Variants in PCLO observed in about 807,000 individuals in gnomAD.
PCLO encodes the protein protein piccolo.
PCLO carries 82 observed loss-of-function variants against 427.5 expected under a neutral mutation model. The observed-to-expected ratio is 0.19, with a 90% CI of 0.16 to 0.23. PCLO has a LOEUF of 0.23. Among genes scored for constraint, PCLO ranks in the 10% least tolerant of loss-of-function variants. The pLI is 1.00. For synonymous variants in PCLO, 2,357 were observed against 2,155.4 expected, an observed-to-expected ratio of 1.09 and a Z score of -2.59; for missense variants, 6,239 against 6,115.9, an observed-to-expected ratio of 1.02 and a Z score of -0.67.
chr7:82,900,649 T>C (rs1050695169), intron 9 of PCLO, among the ~76,000 whole-genome samples: 6 of 151,650 alleles, frequency 4.0e-5, no homozygotes, highest in Admixed American at 2.0e-4. Flanking sequence ...GGAGGAGATA[T>C]AGGAGTCAAA....
chr7:82,961,787 C>A (rs1490068957), intron 4 of PCLO, among the ~76,000 whole-genome samples: 14 of 152,140 alleles, frequency 9.2e-5, no homozygotes, highest in Admixed American at 6.6e-5. Flanking sequence ...TTCACTTGCT[C>A]ACCTTTACGT....
chr7:83,100,506 G>C (rs563843319), intron 3 of PCLO, among the ~76,000 whole-genome samples: 2 of 152,124 alleles, frequency 1.3e-5, no homozygotes, highest in Admixed American at 6.5e-5. Flanking sequence ...CCTTTGCTGG[G>C]ATATGGGTGG....
At chr7:82,816,928 C>G (rs551547748) in intron 20 of PCLO, among the ~76,000 whole-genome samples, 9 of 152,198 alleles carry the variant, frequency 5.9e-5, no homozygotes, top group Admixed American at 1.3e-4. Context: ...GTGATATGGT[C>G]AGAGTTCTAC....
intron 22 of PCLO, among the ~76,000 whole-genome samples, chr7:82,771,625 G>A (rs1464215141): frequency 6.6e-6 from 1 of 151,958 alleles, no homozygotes; most frequent in Non-Finnish European, 1.5e-5. Flanking sequence ...AAAAAAAGGA[G>A]ACTAACTAAT....
intron 1 of PCLO, among the ~76,000 whole-genome samples, chr7:83,157,586 G>A (rs1043856620): frequency 1.2e-4 from 18 of 151,590 alleles, no homozygotes; most frequent in Admixed American, 3.3e-4. Context: ...AATTAAAATA[G>A]GAGTTTCTTA....
At chr7:82,776,688 A>G (rs1423649034) in intron 22 of PCLO, among the ~76,000 whole-genome samples, 1 of 152,024 alleles carries the variant, frequency 6.6e-6, no homozygotes, top group Non-Finnish European at 1.5e-5. Flanking sequence ...CCAGCTACTC[A>G]GGAGGCTGAA....
At chr7:82,831,111 G>T (rs2115710676) in intron 16 of PCLO, among the ~76,000 whole-genome samples, 1 of 152,010 alleles carries the variant, frequency 6.6e-6, no homozygotes, top group East Asian at 1.9e-4. Flanking sequence ...AGTTCTAAGT[G>T]CTTTTCATGT....
intron 10 of PCLO, among the ~76,000 whole-genome samples, chr7:82,851,389 A>G (rs1157120229): frequency 2.6e-5 from 4 of 151,988 alleles, no homozygotes; most frequent in Admixed American, 2.0e-4. Context: ...AAAACAAGTG[A>G]GAAACAGGAT....
chr7:82,853,603 T>C (rs1386160067), intron 10 of PCLO, among the ~76,000 whole-genome samples: 6 of 152,160 alleles, frequency 3.9e-5, no homozygotes, highest in Admixed American at 6.6e-5. Context: ...CCATTAAAAA[T>C]TAAAATTTGC....
chr7:82,760,804 C>T lies in PCLO; in HGVS notation c.15143-20G>A, dbSNP rs1364556804. The stretch of plus-strand genomic sequence containing the variant: ...ATAAATCTGAAAATAAGAATTCAGC[C>T]CATTAAATTCCATCAATCATATAAA... On this transcript the variant is annotated intron_variant, in intron 23 of 24. Transcript: ENST00000333891. The T allele has an allele frequency of 1.6e-6, 2 of 1,213,474 alleles. No homozygotes were observed. The highest frequency in any genetic ancestry group is 3.1e-5 in the African/African-American group (2 of 64,546). The allele number at this position is 1,213,474 out of a possible 1,614,324, so 75.2% of individuals were successfully genotyped here.
chr7:83,147,204 A>C (rs1792017861), intron 2 of PCLO, among the ~76,000 whole-genome samples: 1 of 152,176 alleles, frequency 6.6e-6, no homozygotes, highest in Non-Finnish European at 1.5e-5. Context: ...AAAACAGTGC[A>C]AACTGGATCA....
rs118094243 is a variant in PCLO at position 82,987,986 on chromosome 7, C to A, written c.3301-21499G>T. The stretch of plus-strand genomic sequence containing the variant: ...CATGGAGACAGCATATTATCAAACA[C>A]CTAAGTTAAACTGATTAGATTATTA... On this transcript the variant is annotated intron_variant, in intron 3 of 24. Coordinates refer to ENST00000333891, the MANE Select transcript of PCLO (RefSeq NM_033026.6). 4.6e-5 allele frequency among the ~76,000 whole-genome samples: 7 copies of A among 152,070 alleles called. No individual in the cohort carries two copies. The East Asian group carries it at 1.4e-3, about 29-fold the overall frequency.
At chr7:82,907,917 C>T (rs1164488764) in intron 8 of PCLO, among the ~76,000 whole-genome samples, 1 of 151,900 alleles carries the variant, frequency 6.6e-6, no homozygotes, top group East Asian at 1.9e-4. Flanking sequence ...ATGTCAAAGG[C>T]TTGTTTTCTT....
At chr7:82,846,008 A>G (rs1173859821) in intron 12 of PCLO, among the ~76,000 whole-genome samples, 1 of 152,078 alleles carries the variant, frequency 6.6e-6, no homozygotes, top group Non-Finnish European at 1.5e-5. Flanking sequence ...AACAAAATTT[A>G]TTAAACATAG....
Position 82,958,878 on chromosome 7 carries a change from GA to G in PCLO, c.4018-1944del, listed in dbSNP as rs1433617385. Among the ~76,000 whole-genome samples, 5 of 152,130 alleles carry G rather than the reference GA, an allele frequency of 3.3e-5. No individual in the cohort carries two copies. In the East Asian group the frequency reaches 9.7e-4, roughly 30 times the overall value. On this transcript the variant is annotated intron_variant, in intron 4 of 24. Coordinates refer to ENST00000333891, the MANE Select transcript of PCLO (RefSeq NM_033026.6). ...AGAAAATGCCAGAGCACATTTTTTG[GA>G]ATTCAGTATAATTTCTATGTCCTTC...
intron 3 of PCLO, among the ~76,000 whole-genome samples, chr7:83,024,957 T>C (rs1182013344): frequency 6.6e-6 from 1 of 151,978 alleles, no homozygotes; most frequent in Non-Finnish European, 1.5e-5. Context: ...CATCTGTACA[T>C]CACCATCATC....
In PCLO at chr7:82,805,726, G is replaced by A; in HGVS notation, c.14895C>T (p.Ser4965=). The A allele has an allele frequency of 6.2e-7, 1 of 1,612,748 alleles. No individual in the cohort carries two copies. Among genetic ancestry groups the A allele is most frequent in the South Asian group, 1.1e-5 (1 of 90,770 alleles). The change falls in exon 21 of 25, where the codon AGC becomes AGT. Residue 4965 remains serine, a synonymous_variant. Transcript: ENST00000333891. ...GYSVDSEGSS[S]TAGETNLFPI... ...GAAATAGATTAGTCTCCCCTGCAGTGCTGCTGCTTCCTTCACTGTCCACGC... is the reference window on the plus strand; with the variant it reads ...GAAATAGATTAGTCTCCCCTGCAGTACTGCTGCTTCCTTCACTGTCCACGC...
rs1466568654 is a variant in PCLO, at chr7:82,915,352, G to C, written c.12634C>G (p.Leu4212Val). ...KFSPIQESRD[L>V]EPDYSSYMTS... ...ATATAGCTTGAATAATCAGGTTCAA[G>C]GTCTCTACTTTCTTGAATAGGTGAA... The change falls in exon 7 of 25, where the codon CTT becomes GTT. Residue 4212 changes from leucine (L) to valine (V), a missense_variant. Leu to Val is a conservative substitution (Grantham distance 32). Coordinates refer to ENST00000333891, the MANE Select transcript of PCLO (RefSeq NM_033026.6). 2 of 1,613,378 alleles carry C rather than the reference G, an allele frequency of 1.2e-6. No homozygotes were observed. The highest frequency in any genetic ancestry group is 1.3e-5 in the African/African-American group (1 of 74,908).
intron 3 of PCLO, among the ~76,000 whole-genome samples, chr7:83,068,496 A>G (rs916363252): frequency 6.6e-6 from 1 of 152,186 alleles, no homozygotes; most frequent in African/African-American, 2.4e-5. Flanking sequence ...CTTCCAAAGA[A>G]GACATACGAA....
Sources: allele counts gnomAD v4.1 joint callset (sites outside exome capture counted in the v4.1 genomes callset), GRCh38; gene constraint gnomAD v4.1.1; transcripts MANE v1.5; gene names NCBI Gene and HGNC (gene_info 2026-07-23, HGNC 2026-07-21).